Variants in CHD8 observed in about 807,000 individuals in gnomAD.
CHD8 encodes ATP-dependent chromatin remodeler CHD8.
Under a neutral mutation model 279.2 loss-of-function variants are expected in CHD8, and 31 were observed. That is an observed-to-expected ratio of 0.11 (90% CI 0.08 to 0.15). The LOEUF is 0.15. CHD8 is among the 10% of genes least tolerant of loss of function. The probability of loss-of-function intolerance (pLI) is 1.00; values close to 1 mark genes in which losing one functional copy is unlikely to be tolerated. For synonymous variants in CHD8, 1,081 were observed against 1,139.6 expected (o/e 0.95, Z 1.04); for missense variants, 2,146 against 3,230.5 (o/e 0.66, Z 8.14).
At chr14:21,454,986 G>A (rs1239736334) in intron 1 of CHD8, 1 of 152,166 alleles carries the variant, frequency 6.6e-6, no homozygotes, top group Non-Finnish European at 1.5e-5. Context: ...GATGACTTCA[G>A]CATATGCTAA....
chr14:21,407,211 A>C (rs186867439), intron 13 of CHD8, among the ~76,000 whole-genome samples, 179 bp from the exon 14 acceptor site: 1 of 152,312 alleles, frequency 6.6e-6, no homozygotes, highest in East Asian at 1.9e-4. Context: ...TGTAAGATAC[A>C]TTGCTTCCTC....
In CHD8 at chr14:21,392,639, G is replaced by A. The variant is rs1340700269; in HGVS notation, c.6639C>T (p.Val2213=). The change falls in exon 34 of 38, where the codon GTC becomes GTT. Residue 2213 remains valine (V), a synonymous_variant. Transcript: ENST00000646647. The part of the protein sequence containing the change: ...LTPGEYGDSP[V]PTPRSSSAAS... ...CTGCACTACTACTTCGTGGTGTGGGGACTGGAGAGTCACCATATTCTCCAG... is the reference window on the plus strand; with the variant it reads ...CTGCACTACTACTTCGTGGTGTGGGAACTGGAGAGTCACCATATTCTCCAG... 1.2e-6 allele frequency: 2 copies of A among 1,613,984 alleles called. No homozygotes were observed. Among genetic ancestry groups the A allele is most frequent in the Non-Finnish European group, 1.7e-6 (2 of 1,179,896 alleles).
chr14:21,392,242 TC>T (rs779272813), intron 34 of CHD8: 10 of 756,038 alleles, frequency 1.3e-5, no homozygotes, highest in African/African-American at 1.7e-5. Context: ...GCATGGCAAC[TC>T]ATCACAGGGG....
chr14:21,395,319 A>C lies in CHD8; in HGVS notation c.5161T>G (p.Ser1721Ala), dbSNP rs1887730251. Reference protein sequence around the residue: ...DPLMMMDEEISVIDGDEAQVT... With the variant: ...DPLMMMDEEIAVIDGDEAQVT... The stretch of plus-strand genomic sequence containing the variant: ...TTACCTTCATCTCCATCAATCACTG[A>C]GATCTCCTCATCCATCATCATCAAG... Residue 1721 changes from serine (S) to alanine (A), a missense_variant, in exon 29 of 38, where the codon TCA becomes GCA. Coordinates refer to ENST00000646647, the MANE Select transcript of CHD8 (RefSeq NM_001170629.2). The C allele has an allele frequency of 6.2e-7, 1 of 1,608,966 alleles. No homozygotes were observed. The highest frequency in any genetic ancestry group is 1.1e-5 in the South Asian group (1 of 90,382).
Position 21,414,424 on chromosome 14 carries a change from G to T in CHD8, c.2025-6C>A. The T allele has an allele frequency of 7.0e-7, 1 of 1,437,158 alleles. No homozygotes were observed. The highest frequency in any genetic ancestry group is 1.7e-4 in the Middle Eastern group (1 of 5,750). 89.0% of individuals were successfully genotyped at this position (1,437,158 alleles called of 1,614,324 possible). ...ATTCACAATGCAGATAGGAGCTAAGGGGGATGGAAAAATCCAGTCATGGTG... is the reference window on the plus strand; with the variant it reads ...ATTCACAATGCAGATAGGAGCTAAGTGGGATGGAAAAATCCAGTCATGGTG... On this transcript the variant is annotated splice_region_variant and splice_polypyrimidine_tract_variant and intron_variant, in intron 8 of 37. Transcript: ENST00000646647.
chr14:21,442,544 C>A (rs1335445175), intron 1 of CHD8, among the ~76,000 whole-genome samples: 1 of 150,990 alleles, frequency 6.6e-6, no homozygotes, highest in Admixed American at 6.6e-5. Context: ...GAGGCTAAGG[C>A]AGGAGGATCG....
chr14:21,386,794 G>A (rs930793643), intron 37 of CHD8, among the ~76,000 whole-genome samples: 2 of 150,844 alleles, frequency 1.3e-5, no homozygotes, highest in Non-Finnish European at 2.9e-5. Flanking sequence ...AGCCGAGATC[G>A]CGCCACTGCA....
intron 10 of CHD8, among the ~76,000 whole-genome samples, chr14:21,411,311 C>T (rs112836252): frequency 2.6e-5 from 4 of 152,238 alleles, no homozygotes; most frequent in African/African-American, 9.6e-5. Context: ...AAGCAGAATA[C>T]GTTATGTGAA....
chr14:21,411,452 A>G lies in CHD8; in HGVS notation c.2226+1461T>C, dbSNP rs114951239. Among the ~76,000 whole-genome samples, 836 of 152,320 alleles carry G rather than the reference A, an allele frequency of 5.5e-3. 9 individuals are homozygous for G. The highest frequency in any genetic ancestry group is 0.019 in the African/African-American group (799 of 41,578). On this transcript the variant is annotated intron_variant, in intron 10 of 37. Transcript: ENST00000646647. ...GGAATTTTATAGAGGAAAGAATTTA[A>G]CTCAGAGGTCCTGTTAGAATGATGT...
chr14:21,450,659 TA>T (rs367564982), intron 1 of CHD8, among the ~76,000 whole-genome samples: 1 of 143,016 alleles, frequency 7.0e-6, no homozygotes. Context: ...TCCTGTCTCT[TA>T]AAAAAAAACA....
intron 37 of CHD8, among the ~76,000 whole-genome samples, chr14:21,386,890 C>T (rs1887273602): frequency 6.6e-6 from 1 of 151,732 alleles, no homozygotes; most frequent in Non-Finnish European, 1.5e-5. Context: ...TTCACTTGTT[C>T]TTACTATGTG....
intron 26 of CHD8, chr14:21,399,085 G>T: frequency 3.0e-6 from 1 of 337,466 alleles, no homozygotes; most frequent in Non-Finnish European, 6.0e-6. Context: ...GAGGATGGCC[G>T]TACTCTTTCA....
At chr14:21,386,413 A>G (rs1027909396) in intron 37 of CHD8, 1 of 559,134 alleles carries the variant, frequency 1.8e-6, no homozygotes, top group Non-Finnish European at 3.2e-6. Flanking sequence ...ACCGAAACTC[A>G]TATTAACCAG....
Position 21,385,730 on chromosome 14 carries a change from ATCC to A in CHD8, c.7626_7628del (p.Glu2542del). ...GAGATAAGTCATCATCATCTTCTTC[ATCC>A]TCATCGTCATCCTCCTCAGGTTGCA... On this transcript the variant is annotated inframe_deletion, in exon 38 of 38. Coordinates refer to ENST00000646647, the MANE Select transcript of CHD8 (RefSeq NM_001170629.2). 6.4e-7 allele frequency: 1 copy of A among 1,551,610 alleles called. No homozygotes were observed. Among genetic ancestry groups the A allele is most frequent in the African/African-American group, 1.4e-5 (1 of 73,078 alleles).
intron 5 of CHD8, among the ~76,000 whole-genome samples, chr14:21,421,276 T>A (rs1292599196): frequency 2.0e-5 from 3 of 151,926 alleles, no homozygotes; most frequent in African/African-American, 7.3e-5. Context: ...CAGACACACA[T>A]ACATACTTTA....
chr14:21,400,835 T>G lies in CHD8; in HGVS notation c.4370+40A>C. 1 of 1,528,532 alleles carries G rather than the reference T, an allele frequency of 6.5e-7. No homozygotes were observed. The highest frequency in any genetic ancestry group is 1.4e-5 in the African/African-American group (1 of 72,330). 94.7% of individuals were successfully genotyped at this position (1,528,532 alleles called of 1,614,324 possible). A position where few individuals can be genotyped will look rare whatever the true frequency, so the allele number is the denominator to read the frequency against. On this transcript the variant is annotated intron_variant, in intron 22 of 37. Transcript: ENST00000646647. This position sits in a 1 kb window ranked among gnomAD's most constrained non-coding sequence, Gnocchi z 4.2. ...CCAAGAGTATCTATCAGGATGGAGA[T>G]GCACTATGCACTACCTCTAATGGTA... is the stretch of plus-strand genomic sequence containing the variant.
Position 21,437,876 on chromosome 14 carries a change from C to G in CHD8, c.-215-6018G>C, listed in dbSNP as rs377592334. Among the ~76,000 whole-genome samples the G allele has an allele frequency of 1.2e-3, 188 of 152,204 alleles. No individual in the cohort carries two copies. In the South Asian group the frequency reaches 0.038, roughly 31 times the overall value. ...CCTCTAACAATTCCCGACCCTTAGC[C>G]CGCTCAAAACAAACACTCCTCACCC... On this transcript the variant is annotated intron_variant, in intron 1 of 37. Coordinates refer to ENST00000646647, the MANE Select transcript of CHD8 (RefSeq NM_001170629.2).
chr14:21,407,512 AAAAAG>A (rs923966592), intron 13 of CHD8, among the ~76,000 whole-genome samples: 3 of 152,272 alleles, frequency 2.0e-5, no homozygotes, highest in African/African-American at 7.2e-5. Context: ...TAGAAATAAA[AAAAAG>A]AAAACTAATA....
intron 25 of CHD8, 30 bp downstream of exon 25, chr14:21,399,951 A>G: frequency 6.4e-7 from 1 of 1,571,852 alleles, no homozygotes; most frequent in East Asian, 2.2e-5. Context: ...AAGGTAGGGC[A>G]TAAATCAAAA....
Sources: gnomAD v4.1 joint callset for allele counts (sites outside exome capture counted in the v4.1 genomes callset) on GRCh38, gnomAD v4.1.1 for gene constraint, Gnocchi (gnomAD v3.1) non-coding constraint, MANE v1.5 for transcripts, NCBI Gene and HGNC (gene_info 2026-07-23, HGNC 2026-07-21) for gene names.